The following GRK3 variants were observed in gnomAD, a reference collection of about 807,000 sequenced individuals.
The protein encoded by GRK3 is G protein-coupled receptor kinase 3, also known as adrenergic, beta, receptor kinase 2.
Under a neutral mutation model 95.7 loss-of-function variants are expected in GRK3, and 54 were observed. That is an observed-to-expected ratio of 0.56 (90% CI 0.45 to 0.71). GRK3 has a LOEUF of 0.71. GRK3 is among the 30% of genes least tolerant of loss of function. The probability of loss-of-function intolerance (pLI) is 0.00; values close to 1 mark genes in which losing one functional copy is unlikely to be tolerated. For missense variants in GRK3, 649 were observed against 851.2 expected (o/e 0.76, Z 2.96); for synonymous variants, 281 against 290.8 (o/e 0.97, Z 0.34).
At chr22:25,594,328 G>A (rs1808219597) in intron 1 of GRK3, among the ~76,000 whole-genome samples, 1 of 152,054 alleles carries the variant, frequency 6.6e-6, no homozygotes, top group Non-Finnish European at 1.5e-5. Flanking sequence ...TCAAGGAGGA[G>A]GGACTCCTCC....
At chr22:25,650,631 A>G (rs2084823893) in intron 3 of GRK3, among the ~76,000 whole-genome samples, 2 of 152,214 alleles carry the variant, frequency 1.3e-5, no homozygotes, top group African/African-American at 4.8e-5. Context: ...AGAGGGATGG[A>G]ATGTAATGTT....
intron 18 of GRK3, 21 bp from the exon 19 acceptor site, chr22:25,718,224 T>C (rs3730312): frequency 0.021 from 33,294 of 1,609,210 alleles, 440 homozygotes; most frequent in African/African-American, 0.039. Context: ...ATTTAACTCC[T>C]AGTGATTTTG....
intron 13 of GRK3, chr22:25,703,023 T>C (rs1179730793): frequency 2.7e-6 from 1 of 369,266 alleles, no homozygotes; most frequent in African/African-American, 2.1e-5. Flanking sequence ...AGGGATGTAT[T>C]ACTTAAAATG....
chr22:25,710,073 C>A, intron 16 of GRK3, 109 bp downstream of exon 16: 2 of 827,546 alleles, frequency 2.4e-6, no homozygotes, highest in Non-Finnish European at 4.2e-6. Context: ...GGCTTCCTGG[C>A]TGTGTCTCCC....
At position 25,692,032 on chromosome 22, in the gene GRK3, C is replaced by T. The variant is rs150928002; in HGVS notation, c.1052+1749C>T. On this transcript the variant is annotated intron_variant, in intron 12 of 20. Coordinates refer to ENST00000324198, the MANE Select transcript of GRK3 (RefSeq NM_005160.4). ...AGGCTGGAGTACAGTGGTGTGATCA[C>T]GGCTCACTGCAGCCTCCCCCTCCCG... 2.5e-3 allele frequency among the ~76,000 whole-genome samples: 380 copies of T among 152,234 alleles called. 4 individuals are homozygous for T. The Middle Eastern group carries it at 0.031, about 12-fold the overall frequency.
At chr22:25,578,006 A>G (rs373989416) in intron 1 of GRK3, among the ~76,000 whole-genome samples, 1 of 152,238 alleles carries the variant, frequency 6.6e-6, no homozygotes, top group Admixed American at 6.5e-5. Flanking sequence ...GGGTAAAACA[A>G]AAAAGAATAA....
chr22:25,655,182 C>T (rs1196087283), intron 3 of GRK3, among the ~76,000 whole-genome samples: 2 of 152,118 alleles, frequency 1.3e-5, no homozygotes, highest in Non-Finnish European at 2.9e-5. Flanking sequence ...TTTCCTGTGT[C>T]CCCAAACAGT....
At chr22:25,704,031 A>T in intron 14 of GRK3, 78 bp from the exon 15 acceptor site, 1 of 1,016,470 alleles carries the variant, frequency 9.8e-7, no homozygotes, top group Non-Finnish European at 1.5e-6. Context: ...TATCCCAGTA[A>T]TAGTCTTTAA....
intron 2 of GRK3, among the ~76,000 whole-genome samples, chr22:25,635,255 TATTC>T (rs1334329837): frequency 6.6e-6 from 1 of 152,246 alleles, no homozygotes; most frequent in Non-Finnish European, 1.5e-5. Context: ...TTTGTTTCAT[TATTC>T]ATTCTTTTTA....
intron 3 of GRK3, among the ~76,000 whole-genome samples, chr22:25,655,836 G>A (rs2084867045): frequency 1.3e-5 from 2 of 152,194 alleles, no homozygotes; most frequent in South Asian, 4.1e-4. Context: ...TGAGGCTAGT[G>A]ATCGTCTTCT....
intron 1 of GRK3, among the ~76,000 whole-genome samples, chr22:25,575,522 G>T (rs193103356): frequency 1.2e-4 from 18 of 152,202 alleles, no homozygotes; most frequent in Admixed American, 7.9e-4. Context: ...ATAAAGGTTA[G>T]CTCATTAAAC....
At chr22:25,663,598 T>C (rs2084923307) in intron 4 of GRK3, 32 bp from the exon 5 acceptor site, 1 of 1,455,700 alleles carries the variant, frequency 6.9e-7, no homozygotes, top group Non-Finnish European at 9.5e-7. Context: ...TTACATTTTA[T>C]TATTTAAAAA....
chr22:25,720,299 A>G (rs2085420917), intron 19 of GRK3, among the ~76,000 whole-genome samples: 1 of 152,154 alleles, frequency 6.6e-6, no homozygotes. Context: ...GCTACATAAT[A>G]TGCATGAGCA....
chr22:25,599,513 A>AC (rs1380712539), intron 1 of GRK3, among the ~76,000 whole-genome samples: 3 of 150,218 alleles, frequency 2.0e-5, no homozygotes, highest in Non-Finnish European at 4.4e-5. Flanking sequence ...AATGATGTGA[A>AC]CCCGGGAGGC....
intron 9 of GRK3, among the ~76,000 whole-genome samples, chr22:25,683,032 G>T (rs1192871220): frequency 6.6e-6 from 1 of 152,244 alleles, no homozygotes; most frequent in Non-Finnish European, 1.5e-5. Context: ...AGAAAGCCAG[G>T]TGTGGCTCAG....
In GRK3 at chr22:25,648,915, T is replaced by G. The variant is rs575794605; in HGVS notation, c.264+4250T>G. ...ACAAGGTGCAGAATTTCCAATCAAA[T>G]GGACAGCTCCTGAAGTTGCACTGTA... On this transcript the variant is annotated intron_variant, in intron 3 of 20. Transcript: ENST00000324198. 1.3e-4 allele frequency: 113 copies of G among 896,172 alleles called. No individual in the cohort carries two copies. In the African/African-American group the frequency reaches 1.7e-3, roughly 13 times the overall value. 55.5% of individuals were successfully genotyped at this position (896,172 alleles called of 1,614,324 possible). A position where few individuals can be genotyped will look rare whatever the true frequency, so the allele number is the denominator to read the frequency against.
chr22:25,685,795 A>G (rs1031656610), intron 10 of GRK3, among the ~76,000 whole-genome samples: 1 of 152,108 alleles, frequency 6.6e-6, no homozygotes, highest in African/African-American at 2.4e-5. Flanking sequence ...AGAAGGTGTC[A>G]TGGTATATAT....
intron 1 of GRK3, among the ~76,000 whole-genome samples, chr22:25,593,721 T>G (rs1932575443): frequency 6.6e-6 from 1 of 152,208 alleles, no homozygotes. Context: ...TTGTCAATTT[T>G]TGTTTTCTTT....
chr22:25,720,427 A>G (rs2085421828), intron 19 of GRK3, among the ~76,000 whole-genome samples: 1 of 150,016 alleles, frequency 6.7e-6, no homozygotes, highest in South Asian at 2.1e-4. Context: ...TAAGGAACTC[A>G]TGACACTATA....
Sources: gnomAD v4.1 joint callset for allele counts (sites outside exome capture counted in the v4.1 genomes callset) on GRCh38, gnomAD v4.1.1 for gene constraint, MANE v1.5 for transcripts, NCBI Gene and HGNC (gene_info 2026-07-23, HGNC 2026-07-21) for gene names.